COL4A3: variants seen among roughly 807,000 people sequenced by gnomAD.
The protein encoded by COL4A3 is collagen type IV alpha 3 chain, also known as collagen alpha-3(IV) chain.
COL4A3 carries 135 observed loss-of-function variants against 217.4 expected under a neutral mutation model. The ratio of observed to expected loss-of-function variants is 0.62; its 90% confidence interval spans 0.54 to 0.72. The LOEUF is 0.72. Ranked by LOEUF, COL4A3 falls within the 30% of genes least tolerant of loss-of-function variation. The pLI, the probability that COL4A3 is intolerant of heterozygous loss-of-function variation, is 0.00. For synonymous variants in COL4A3, 690 were observed against 736.3 expected (o/e 0.94, Z 1.02); for missense variants, 1,868 against 2,119.9 (o/e 0.88, Z 2.33).
intron 1 of COL4A3, among the ~76,000 whole-genome samples, chr2:227,212,771 C>T (rs1326548608): frequency 1.3e-5 from 2 of 152,204 alleles, no homozygotes; most frequent in Non-Finnish European, 2.9e-5. Flanking sequence ...GACTCTTGGA[C>T]ATCCCCAGTG....
intron 1 of COL4A3, among the ~76,000 whole-genome samples, chr2:227,206,621 C>T (rs2125773284): frequency 6.6e-6 from 1 of 152,160 alleles, no homozygotes; most frequent in Non-Finnish European, 1.5e-5. Context: ...AGGTATGTAA[C>T]ACCTGAGAAC....
intron 1 of COL4A3, among the ~76,000 whole-genome samples, chr2:227,231,376 A>ATT (rs112632640): frequency 2.6e-5 from 4 of 151,870 alleles, no homozygotes; most frequent in African/African-American, 7.2e-5. Context: ...TTATTTAAAC[A>ATT]TTTTTTGTGG....
intron 24 of COL4A3, 56 bp from the exon 25 acceptor site, chr2:227,270,714 G>T: frequency 6.4e-7 from 1 of 1,565,484 alleles, no homozygotes. Flanking sequence ...TTTTAAGATT[G>T]ACAGAAGAAG....
intron 1 of COL4A3, among the ~76,000 whole-genome samples, chr2:227,190,770 G>T (rs2066206268): frequency 6.6e-6 from 1 of 152,116 alleles, no homozygotes; most frequent in Admixed American, 6.6e-5. Flanking sequence ...AGTCAGGCCT[G>T]GTGGCACACA....
chr2:227,240,636 T>C (rs2068969031), intron 3 of COL4A3, among the ~76,000 whole-genome samples: 1 of 152,204 alleles, frequency 6.6e-6, no homozygotes, highest in South Asian at 2.1e-4. Context: ...ACTTTTCTTT[T>C]GTTATTGGCT....
chr2:227,275,911 C>A (rs1216425187), intron 26 of COL4A3, among the ~76,000 whole-genome samples: 3 of 147,332 alleles, frequency 2.0e-5, no homozygotes, highest in Non-Finnish European at 3.0e-5. Context: ...TTTCAATAGA[C>A]CAGCATGTTG....
At chr2:227,174,637 G>C (rs1436957535) in intron 1 of COL4A3, among the ~76,000 whole-genome samples, 1 of 152,068 alleles carries the variant, frequency 6.6e-6, no homozygotes, top group Non-Finnish European at 1.5e-5. Context: ...CTCCCGAGTA[G>C]CTGGGATTAC....
At chr2:227,182,163 C>A (rs1052656673) in intron 1 of COL4A3, among the ~76,000 whole-genome samples, 5 of 152,176 alleles carry the variant, frequency 3.3e-5, no homozygotes, top group African/African-American at 7.2e-5. Context: ...ATAGGAATAT[C>A]TTGGCCACAA....
chr2:227,213,431 C>T (rs942339563), intron 1 of COL4A3, among the ~76,000 whole-genome samples: 3 of 152,006 alleles, frequency 2.0e-5, no homozygotes, highest in African/African-American at 7.3e-5. Flanking sequence ...GCAATTGTTC[C>T]CCTAGAAAGA....
In COL4A3 at chr2:227,272,813, T is replaced by C. The variant is rs2071321535; in HGVS notation, c.1759-136T>C. The C allele has an allele frequency of 5.2e-6, 5 of 965,246 alleles. No individual in the cohort carries two copies. In the East Asian group the frequency reaches 7.4e-5, roughly 14 times the overall value. The allele number at this position is 965,246 out of a possible 1,614,324, so 59.8% of individuals were successfully genotyped here. A position where few individuals can be genotyped will look rare whatever the true frequency, so the allele number is the denominator to read the frequency against. On this transcript the variant is annotated intron_variant, in intron 25 of 51. Coordinates refer to ENST00000396578, the MANE Select transcript of COL4A3 (RefSeq NM_000091.5). ...GCAGTGCTCTTACTTTAGTAATAAT[T>C]CTCATCAAATGCCAAATGCTTTTAA...
chr2:227,182,828 A>C (rs146818911), intron 1 of COL4A3, among the ~76,000 whole-genome samples: 82 of 152,316 alleles, frequency 5.4e-4, no homozygotes, highest in African/African-American at 1.8e-3. Context: ...TATCACACAT[A>C]TATCCAATTC....
Position 227,261,957 on chromosome 2 carries a change from G to A in COL4A3, c.1150+840G>A, listed in dbSNP as rs997611826. Among the ~76,000 whole-genome samples, 10 of 152,168 alleles carry A rather than the reference G, an allele frequency of 6.6e-5. No homozygotes were observed. In the East Asian group the frequency reaches 1.7e-3, roughly 26 times the overall value. On this transcript the variant is annotated intron_variant, in intron 20 of 51. Coordinates refer to ENST00000396578, the MANE Select transcript of COL4A3 (RefSeq NM_000091.5). ...ATAACTGTAGTGTGTTCTTTTTAAC[G>A]AAAACAAAACTAAGAAAAAAGAGCA... is the stretch of plus-strand genomic sequence containing the variant.
At chr2:227,271,464 T>C (rs2071235691) in intron 25 of COL4A3, among the ~76,000 whole-genome samples, 2 of 30,738 alleles carry the variant, frequency 6.5e-5, no homozygotes, top group African/African-American at 4.4e-4. Context: ...TACCAAGATT[T>C]TTTTTTTTTT....
chr2:227,273,143 G>T, intron 26 of COL4A3, 26 bp downstream of exon 26: 1 of 1,611,816 alleles, frequency 6.2e-7, no homozygotes, highest in Non-Finnish European at 8.5e-7. Flanking sequence ...TTCCAGTCCT[G>T]TTTTCCGATG....
chr2:227,173,242 A>T (rs372201627), intron 1 of COL4A3, among the ~76,000 whole-genome samples: 260 of 152,338 alleles, frequency 1.7e-3, no homozygotes, highest in African/African-American at 6.0e-3. Context: ...AGTGTTAGAC[A>T]TCAGTGGGAA....
At position 227,240,127 on chromosome 2, in the gene COL4A3, G is replaced by A. The variant is rs374322682; in HGVS notation, c.145-16G>A. ...TGCTGCTCTGTGTGTTTCTCACCTCGTTTTGGTTTTAACAGGGGGAGAAGG... is the reference window on the plus strand; with the variant it reads ...TGCTGCTCTGTGTGTTTCTCACCTCATTTTGGTTTTAACAGGGGGAGAAGG... On this transcript the variant is annotated splice_polypyrimidine_tract_variant and intron_variant, in intron 2 of 51. Coordinates refer to ENST00000396578, the MANE Select transcript of COL4A3 (RefSeq NM_000091.5). 130 of 1,593,448 alleles carry A rather than the reference G, an allele frequency of 8.2e-5. No homozygotes were observed. The highest frequency in any genetic ancestry group is 1.0e-4 in the Non-Finnish European group (118 of 1,168,640).
rs34345055 is a variant in COL4A3 at position 227,184,891 on chromosome 2, C to CTT, written c.87+20105_87+20106dup. 6.5e-3 allele frequency among the ~76,000 whole-genome samples: 406 copies of CTT among 62,570 alleles called. 134 individuals carry two copies. The highest frequency in any genetic ancestry group is 0.011 in the African/African-American group (175 of 15,580). The allele number at this position is 62,570 out of a possible 152,430, so 41.0% of individuals were successfully genotyped here. A position where few individuals can be genotyped will look rare whatever the true frequency, so the allele number is the denominator to read the frequency against. On this transcript the variant is annotated intron_variant, in intron 1 of 51. Coordinates refer to ENST00000396578, the MANE Select transcript of COL4A3 (RefSeq NM_000091.5). ...TCCTTTGCATGGCTGCCTCACTGGC[C>CTT]TTTTTTTTTTTTTTTTTTTTTTTTT...
intron 46 of COL4A3, among the ~76,000 whole-genome samples, chr2:227,304,522 C>T (rs912074762): frequency 4.6e-5 from 7 of 152,082 alleles, no homozygotes; most frequent in African/African-American, 1.7e-4. Context: ...TTTGGTACAG[C>T]AAAGTATTAG....
chr2:227,175,491 C>A lies in COL4A3; in HGVS notation c.87+10678C>A, dbSNP rs557510827. Among the ~76,000 whole-genome samples the A allele has an allele frequency of 5.8e-4, 88 of 151,996 alleles. 1 individual carries two copies. In the South Asian group the frequency reaches 7.3e-3, roughly 13 times the overall value. On this transcript the variant is annotated intron_variant, in intron 1 of 51. Transcript: ENST00000396578. ...ATCTCAAAAAATGAAATAAAAAAAA[C>A]CAAGACAAACAGAGCTTTTGAAATA... is the stretch of plus-strand genomic sequence containing the variant.
Sources: allele counts gnomAD v4.1 joint callset (sites outside exome capture counted in the v4.1 genomes callset), GRCh38; gene constraint gnomAD v4.1.1; transcripts MANE v1.5; gene names NCBI Gene and HGNC (gene_info 2026-07-23, HGNC 2026-07-21).